The following ZNF652 variants were observed in gnomAD, a reference collection of about 807,000 sequenced individuals.
ZNF652 encodes the protein zinc finger protein 652.
A neutral mutation model predicts 45.2 loss-of-function variants in ZNF652; 16 were observed. The observed-to-expected ratio is 0.35, with a 90% CI of 0.24 to 0.54. The LOEUF is 0.54. ZNF652 is among the 20% of genes least tolerant of loss of function. The pLI, the probability that ZNF652 is intolerant of heterozygous loss-of-function variation, is 0.91. For synonymous variants in ZNF652, 250 were observed against 260.6 expected (o/e 0.96, Z 0.39); for missense variants, 614 against 765.6 (o/e 0.80, Z 2.34).
rs781616036 is a variant in ZNF652, at chr17:49,311,362, T to C, written c.1259A>G (p.Lys420Arg). The change falls in exon 5 of 6, where the codon AAG (lysine) becomes AGG (arginine). Residue 420 changes from lysine (K) to arginine (R), a missense_variant. By Grantham distance (26) the Lys-to-Arg change is conservative. Coordinates refer to ENST00000430262, the MANE Select transcript of ZNF652 (RefSeq NM_001145365.3). Reference protein sequence around the residue: ...HKQFMCQWCGKDFNMKQYFDE... With the variant: ...HKQFMCQWCGRDFNMKQYFDE... ...GAAGTACTGCTTCATGTTGAAATCC[T>C]TGCCACACCACTGGCACATGAACTG... is the stretch of plus-strand genomic sequence containing the variant. The C allele has an allele frequency of 1.9e-6, 3 of 1,614,194 alleles. No homozygotes were observed. The highest frequency in any genetic ancestry group is 2.5e-6 in the Non-Finnish European group (3 of 1,180,010).
chr17:49,357,551 A>G (rs905648829), intron 1 of ZNF652, among the ~76,000 whole-genome samples: 1 of 152,240 alleles, frequency 6.6e-6, no homozygotes, highest in Admixed American at 6.5e-5. Flanking sequence ...TAAAATGTTC[A>G]TAAGTATTTT....
At chr17:49,349,727 A>G (rs1171728141) in intron 1 of ZNF652, among the ~76,000 whole-genome samples, 4 of 152,190 alleles carry the variant, frequency 2.6e-5, no homozygotes, top group Admixed American at 2.0e-4. Flanking sequence ...TATACTGAAA[A>G]GGGTACTATT....
At chr17:49,361,540 G>A (rs954145380) in intron 1 of ZNF652, among the ~76,000 whole-genome samples, 4 of 152,216 alleles carry the variant, frequency 2.6e-5, no homozygotes, top group Non-Finnish European at 4.4e-5. Flanking sequence ...TGCAGGGCAG[G>A]AGAACGCTCG....
Position 49,317,607 on chromosome 17 carries a change from G to A in ZNF652, c.119C>T (p.Ala40Val), listed in dbSNP as rs1453727590. 2.5e-6 allele frequency: 4 copies of A among 1,613,920 alleles called. No individual in the cohort carries two copies. Among genetic ancestry groups the A allele is most frequent in the Non-Finnish European group, 3.4e-6 (4 of 1,179,998 alleles). The stretch of plus-strand genomic sequence containing the variant: ...GGTGGACAGGTCAAGTTCTTGGTTG[G>A]CACCATGATAAAAGGAAGATGGCAC... ...GQVPSSFYHG[A>V]NQELDLSTKV... The change falls in exon 2 of 6, where the codon GCC (alanine) becomes GTC (valine). Residue 40 changes from alanine (A) to valine (V), a missense_variant. Coordinates refer to ENST00000430262, the MANE Select transcript of ZNF652 (RefSeq NM_001145365.3).
intron 1 of ZNF652, among the ~76,000 whole-genome samples, chr17:49,330,400 T>C (rs12185257): frequency 0.78 from 118,743 of 152,114 alleles, 46,565 homozygotes; most frequent in African/African-American, 0.85. Flanking sequence ...TAAAGTGATT[T>C]TCCTGTCTCA....
At chr17:49,346,176 T>C (rs1436043942) in intron 1 of ZNF652, among the ~76,000 whole-genome samples, 1 of 152,200 alleles carries the variant, frequency 6.6e-6, no homozygotes. Context: ...AGTTTATCAC[T>C]GTTTTCTCCT....
At chr17:49,357,351 A>G (rs1021604635) in intron 1 of ZNF652, among the ~76,000 whole-genome samples, 2 of 152,108 alleles carry the variant, frequency 1.3e-5, no homozygotes, top group African/African-American at 4.8e-5. Context: ...CTTTCTGGCT[A>G]AAAAACAAGA....
intron 1 of ZNF652, among the ~76,000 whole-genome samples, chr17:49,340,051 G>C (rs1184264253): frequency 6.6e-6 from 1 of 152,158 alleles, no homozygotes; most frequent in African/African-American, 2.4e-5. Flanking sequence ...GACTTTTAAA[G>C]ATGGGAGAAA....
chr17:49,304,642 T>C (rs2069602441), intron 5 of ZNF652, among the ~76,000 whole-genome samples: 1 of 152,138 alleles, frequency 6.6e-6, no homozygotes, highest in African/African-American at 2.4e-5. Flanking sequence ...TATTAATATA[T>C]CTAACTATAT....
rs2069421359 is a variant in ZNF652, at chr17:49,292,799, A to G, written c.*5614T>C. 6.6e-6 allele frequency among the ~76,000 whole-genome samples: 1 copy of G among 152,220 alleles called. No individual in the cohort carries two copies. Among genetic ancestry groups the G allele is most frequent in the Non-Finnish European group, 1.5e-5 (1 of 68,038 alleles). On this transcript the variant is annotated 3_prime_UTR_variant, in exon 6 of 6. Coordinates refer to ENST00000430262, the MANE Select transcript of ZNF652 (RefSeq NM_001145365.3). ...ATGTGAAGAAATAAGATATAAATAA[A>G]AGTTAAAAATATAACCTAAAAATGA...
At chr17:49,345,370 T>G (rs1307839145) in intron 1 of ZNF652, among the ~76,000 whole-genome samples, 1 of 151,406 alleles carries the variant, frequency 6.6e-6, no homozygotes, top group East Asian at 2.0e-4. Context: ...GCCCAGCTAA[T>G]TTTTGTATTT....
Position 49,312,747 on chromosome 17 carries a change from A to G in ZNF652, c.999T>C (p.Ile333=). 1.2e-6 allele frequency: 2 copies of G among 1,614,160 alleles called. No homozygotes were observed. Among genetic ancestry groups the G allele is most frequent in the East Asian group, 2.2e-5 (1 of 44,880 alleles). ...GYAEKKFSCE[I]CEKKFYTMAH... ...CCATGGTATAGAATTTCTTCTCACA[A>G]ATTTCACAGGAAAATTTCTTTTCTG... Residue 333 remains isoleucine, a synonymous_variant, in exon 3 of 6, where the codon ATT becomes ATC. Transcript: ENST00000430262.
At chr17:49,360,287 C>T (rs1014329953) in intron 1 of ZNF652, among the ~76,000 whole-genome samples, 6 of 152,150 alleles carry the variant, frequency 3.9e-5, no homozygotes, top group African/African-American at 1.4e-4. Flanking sequence ...ACAAAACACA[C>T]AACGCAAGTT....
intron 1 of ZNF652, among the ~76,000 whole-genome samples, chr17:49,319,834 G>C (rs141373177): frequency 4.4e-4 from 67 of 151,522 alleles, no homozygotes; most frequent in Non-Finnish European, 1.9e-4. Context: ...TTAGAGATGG[G>C]GTCTCCCTAT....
intron 1 of ZNF652, among the ~76,000 whole-genome samples, chr17:49,353,005 T>C (rs1354759430): frequency 6.6e-6 from 1 of 152,146 alleles, no homozygotes; most frequent in African/African-American, 2.4e-5. Context: ...GAGGGAGTTA[T>C]CTGGAGTGAT....
Position 49,311,182 on chromosome 17 carries a change from GGTTT to G in ZNF652, c.1309+126_1309+129del, listed in dbSNP as rs1357050807. On this transcript the variant is annotated intron_variant, in intron 5 of 5. Coordinates refer to ENST00000430262, the MANE Select transcript of ZNF652 (RefSeq NM_001145365.3). ...CACTAATCTATATTTTTACATATTA[GGTTT>G]ATTTAAAGTGGGATTTTTGCTTTGA... 4 of 910,130 alleles carry G rather than the reference GGTTT, an allele frequency of 4.4e-6. No homozygotes were observed. In the African/African-American group the frequency reaches 5.0e-5, roughly 11 times the overall value. 56.4% of individuals were successfully genotyped at this position (910,130 alleles called of 1,614,324 possible). A position where few individuals can be genotyped will look rare whatever the true frequency, so the allele number is the denominator to read the frequency against.
At chr17:49,358,137 T>C (rs1216903571) in intron 1 of ZNF652, among the ~76,000 whole-genome samples, 1 of 152,234 alleles carries the variant, frequency 6.6e-6, no homozygotes, top group Admixed American at 6.5e-5. Flanking sequence ...ATTCTGCTGC[T>C]GAGGAAACTG....
rs533867620 is a variant in ZNF652, at chr17:49,355,727, G to A, written c.-259+6182C>T. Reference sequence around the variant, plus strand: ...AGCCTGGCCAATATGGTGAAACCCCGTCTCTACTAAAAATACAAAAATTAT... The same window carrying A: ...AGCCTGGCCAATATGGTGAAACCCCATCTCTACTAAAAATACAAAAATTAT... On this transcript the variant is annotated intron_variant, in intron 1 of 5. Coordinates refer to ENST00000430262, the MANE Select transcript of ZNF652 (RefSeq NM_001145365.3). 4.6e-5 allele frequency among the ~76,000 whole-genome samples: 7 copies of A among 151,744 alleles called. No individual in the cohort carries two copies. The South Asian group carries it at 6.2e-4, about 14-fold the overall frequency.
At chr17:49,356,470 CA>C (rs1168441375) in intron 1 of ZNF652, among the ~76,000 whole-genome samples, 1 of 79,590 alleles carries the variant, frequency 1.3e-5, no homozygotes, top group Non-Finnish European at 2.8e-5. Context: ...AAAAAAAAAA[CA>C]AAAAAAACCC....
Sources: allele counts gnomAD v4.1 joint callset (sites outside exome capture counted in the v4.1 genomes callset), GRCh38; gene constraint gnomAD v4.1.1; transcripts MANE v1.5; gene names NCBI Gene and HGNC (gene_info 2026-07-23, HGNC 2026-07-21).